Variants in SAMD5 observed in about 807,000 individuals in gnomAD.
SAMD5 encodes sterile alpha motif domain containing 5.
SAMD5 carries 13 observed loss-of-function variants against 11.3 expected under a neutral mutation model. That is an observed-to-expected ratio of 1.15 (90% CI 0.75 to 1.83). SAMD5 has a LOEUF of 1.83. Among genes scored for constraint, SAMD5 ranks in the 40% most tolerant of loss-of-function variants. SAMD5 has a pLI of 0.00. For missense variants in SAMD5, 255 were observed against 239.1 expected (o/e 1.07, Z -0.44); for synonymous variants, 129 against 111.3 (o/e 1.16, Z -1.00).
At chr6:147,736,229 C>T (rs893234639) in intron 1 of SAMD5, among the ~76,000 whole-genome samples, 2 of 151,976 alleles carry the variant, frequency 1.3e-5, no homozygotes, top group East Asian at 1.9e-4. Context: ...ACAGACTAAG[C>T]GAGTTGATAA....
chr6:147,570,009 G>A lies in SAMD5; in HGVS notation c.*5553G>A, dbSNP rs189824370. On this transcript the variant is annotated 3_prime_UTR_variant, in exon 2 of 2. Transcript: ENST00000367474. ...ATGTCCGCTCTTCAATAAATGTTAC[G>A]GCTTTCACAGCGGTTCCGCCTTGGC... 1.9e-4 allele frequency: 186 copies of A among 985,194 alleles called. No homozygotes were observed. The highest frequency in any genetic ancestry group is 1.5e-3 in the African/African-American group (84 of 57,300). The allele number at this position is 985,194 out of a possible 1,614,324, so 61.0% of individuals were successfully genotyped here.
intron 1 of SAMD5, among the ~76,000 whole-genome samples, chr6:147,657,603 C>T (rs372766301): frequency 6.6e-6 from 1 of 152,128 alleles, no homozygotes; most frequent in South Asian, 2.1e-4. Flanking sequence ...AATCAGGTGG[C>T]TTATAAACTA....
At chr6:147,608,807 T>A (rs1445015087) in intron 1 of SAMD5, among the ~76,000 whole-genome samples, 1 of 152,188 alleles carries the variant, frequency 6.6e-6, no homozygotes, top group Non-Finnish European at 1.5e-5. Flanking sequence ...TGTAATTGGA[T>A]TGTTTGCAAC....
At chr6:147,754,388 A>G in the SAMD5 span, among the ~76,000 whole-genome samples, 1 of 97,274 alleles carries the variant, frequency 1.0e-5, no homozygotes, top group Admixed American at 1.2e-4. Flanking sequence ...CAAATCTTTT[A>G]CCCATTTTTG....
the SAMD5 span, among the ~76,000 whole-genome samples, chr6:147,902,125 A>G: frequency 2.0e-5 from 3 of 149,272 alleles, no homozygotes; most frequent in Non-Finnish European, 3.0e-5. Context: ...CTTGAATAGT[A>G]TGGCAATCAA....
At chr6:147,524,419 G>GTTTTTTTTT (rs202193174) in intron 1 of SAMD5, among the ~76,000 whole-genome samples, 1 of 148,522 alleles carries the variant, frequency 6.7e-6, no homozygotes, top group Non-Finnish European at 1.5e-5. Flanking sequence ...TTTTGTTTTT[G>GTTTTTTTTT]TTGTTTTTTT....
At chr6:147,900,341 A>G in the SAMD5 span, among the ~76,000 whole-genome samples, 2 of 152,126 alleles carry the variant, frequency 1.3e-5, no homozygotes, top group African/African-American at 4.8e-5. Context: ...GCCATGATAC[A>G]CTCTGAAACA....
chr6:147,724,053 G>C (rs551920070), intron 1 of SAMD5, among the ~76,000 whole-genome samples: 1 of 152,190 alleles, frequency 6.6e-6, no homozygotes, highest in Non-Finnish European at 1.5e-5. Flanking sequence ...CAATCACATT[G>C]CAGGGAAATA....
chr6:147,605,804 G>C (rs1380112090), intron 1 of SAMD5, among the ~76,000 whole-genome samples: 1 of 152,128 alleles, frequency 6.6e-6, no homozygotes, highest in Non-Finnish European at 1.5e-5. Flanking sequence ...GACTGTGTCT[G>C]ATGATGGGCA....
the SAMD5 span, among the ~76,000 whole-genome samples, chr6:147,791,990 A>G: frequency 6.6e-6 from 1 of 152,198 alleles, no homozygotes; most frequent in Non-Finnish European, 1.5e-5. Context: ...ACTATTGTGT[A>G]AATACTGTAT....
In SAMD5 at chr6:147,620,421, C is replaced by T. The variant is rs9377070; in HGVS notation, c.162+111034C>T. Among the ~76,000 whole-genome samples, 1,206 of 152,302 alleles carry T rather than the reference C, an allele frequency of 7.9e-3. 51 individuals are homozygous for T. Among genetic ancestry groups the T allele is most frequent in the Admixed American group, 0.064 (973 of 15,298 alleles). ...AGGGCACAGTTCACAGCATTTGATT[C>T]GCATTTCTATGCCTGTAACCTGTAT... On this transcript the variant is annotated intron_variant, in intron 1 of 1. Coordinates refer to the SAMD5 transcript ENST00000566741.
the SAMD5 span, among the ~76,000 whole-genome samples, chr6:147,888,568 C>T: frequency 0.45 from 65,553 of 145,480 alleles, 14,419 homozygotes; most frequent in South Asian, 0.6. Context: ...ATGTAATGTC[C>T]TTTTTCTCTG....
the SAMD5 span, among the ~76,000 whole-genome samples, chr6:147,790,770 TTCTCTCTCTCTCTCTCTCTCTCTCTC>T: frequency 4.5e-3 from 393 of 88,246 alleles, 2 homozygotes; most frequent in Middle Eastern, 0.014. Flanking sequence ...CTCTCTCTCT[TTCTCTCTCTCTCTCTCTCTCTCTCTC>T]TCTCTCTCTC....
chr6:147,734,800 T>G (rs532401539), intron 1 of SAMD5, among the ~76,000 whole-genome samples: 1 of 135,598 alleles, frequency 7.4e-6, no homozygotes, highest in African/African-American at 2.7e-5. Flanking sequence ...AAGGCACACA[T>G]AGATACTCAG....
the SAMD5 span, among the ~76,000 whole-genome samples, chr6:147,903,706 G>A: frequency 0.013 from 2,054 of 152,236 alleles, 20 homozygotes; most frequent in South Asian, 0.025. Flanking sequence ...TCAGGAGTTT[G>A]AGAGGAGCCT....
At chr6:147,887,131 C>T in the SAMD5 span, among the ~76,000 whole-genome samples, 1 of 144,554 alleles carries the variant, frequency 6.9e-6, no homozygotes, top group East Asian at 1.9e-4. Flanking sequence ...AGTCTATTCT[C>T]ACCACTACTT....
At chr6:147,802,990 A>G in the SAMD5 span, among the ~76,000 whole-genome samples, 1 of 152,248 alleles carries the variant, frequency 6.6e-6, no homozygotes, top group Non-Finnish European at 1.5e-5. Context: ...GCTAAAAGTC[A>G]TCAAACTGTG....
At chr6:147,801,934 A>G in the SAMD5 span, among the ~76,000 whole-genome samples, 3 of 152,216 alleles carry the variant, frequency 2.0e-5, no homozygotes, top group Non-Finnish European at 4.4e-5. Flanking sequence ...TCATAAACCT[A>G]AACATAAAAG....
chr6:147,560,188 C>T (rs1392101389), intron 1 of SAMD5, among the ~76,000 whole-genome samples: 1 of 152,078 alleles, frequency 6.6e-6, no homozygotes, highest in African/African-American at 2.4e-5. Flanking sequence ...GGGTTTTGCC[C>T]TTGGAGAAAT....
Sources: allele counts gnomAD v4.1 joint callset (sites outside exome capture counted in the v4.1 genomes callset), GRCh38; gene constraint gnomAD v4.1.1; transcripts MANE v1.5; gene names NCBI Gene and HGNC (gene_info 2026-07-23, HGNC 2026-07-21).